Variants in CNKSR2 observed in about 807,000 individuals in gnomAD.
CNKSR2 encodes CNK homolog protein 2.
Under a neutral mutation model 84.4 loss-of-function variants are expected in CNKSR2, and 14 were observed. The observed-to-expected ratio is 0.17, with a 90% CI of 0.11 to 0.26. CNKSR2 has a LOEUF of 0.26. CNKSR2 is among the 10% of genes least tolerant of loss of function. The pLI is 1.00. For missense variants in CNKSR2, 485 were observed against 771.2 expected (o/e 0.63, Z 4.40); for synonymous variants, 275 against 277.9 (o/e 0.99, Z 0.10).
At chrX:21,568,697 ATTACT>A (rs1389019217) in intron 13 of CNKSR2, among the ~76,000 whole-genome samples, 1 of 111,071 alleles carries the variant, frequency 9.0e-6, no homozygotes, top group Non-Finnish European at 1.9e-5. Flanking sequence ...TGCTATTCTG[ATTACT>A]TTACAAATAC....
intron 1 of CNKSR2, among the ~76,000 whole-genome samples, chrX:21,392,162 G>GT (rs112716261): frequency 0.073 from 8,096 of 111,532 alleles, 740 homozygotes; most frequent in African/African-American, 0.25. Flanking sequence ...TCTCTAAGAA[G>GT]TCCAAACTTT....
At chrX:21,533,862 GA>G (rs2091905763) in intron 11 of CNKSR2, among the ~76,000 whole-genome samples, 2 of 110,814 alleles carry the variant, frequency 1.8e-5, no homozygotes, top group Non-Finnish European at 1.9e-5. Context: ...TACATATATA[GA>G]ATGGGTAATG....
At chrX:21,453,145 CCAA>C (rs1183374943) in intron 4 of CNKSR2, among the ~76,000 whole-genome samples, 4 of 111,093 alleles carry the variant, frequency 3.6e-5, no homozygotes, top group East Asian at 5.6e-4. Context: ...CAGACATGGA[CCAA>C]CACTTCAAAT....
At chrX:21,597,078 A>G (rs932909478) in intron 17 of CNKSR2, among the ~76,000 whole-genome samples, 37 of 112,008 alleles carry the variant, frequency 3.3e-4, no homozygotes, top group African/African-American at 1.1e-3. Context: ...GTATCTTACA[A>G]GATGGATGCA....
intron 8 of CNKSR2, chrX:21,506,935 T>G (rs916401708): frequency 1.8e-5 from 2 of 110,200 alleles, no homozygotes; most frequent in African/African-American, 6.6e-5. Context: ...ATTAACTTAT[T>G]AAGTGTATGG....
intron 4 of CNKSR2, among the ~76,000 whole-genome samples, chrX:21,464,900 A>G (rs1183035111): frequency 1.8e-5 from 2 of 112,265 alleles, no homozygotes; most frequent in African/African-American, 6.5e-5. Context: ...ATTTTCTTCA[A>G]CCTAACATTG....
At chrX:21,507,776 A>G (rs1332351906) in intron 8 of CNKSR2, among the ~76,000 whole-genome samples, 5 of 111,824 alleles carry the variant, frequency 4.5e-5, no homozygotes, top group African/African-American at 1.6e-4. Flanking sequence ...AAGTTCCTGA[A>G]TTAAATTTAA....
chrX:21,524,896 T>C (rs2091819851), intron 9 of CNKSR2, among the ~76,000 whole-genome samples: 1 of 111,490 alleles, frequency 9.0e-6, no homozygotes, highest in South Asian at 3.7e-4. Context: ...AGAAAGCTAT[T>C]AGAGCATTTA....
intron 4 of CNKSR2, chrX:21,468,630 A>T (rs1397617900): frequency 9.0e-6 from 1 of 111,517 alleles, no homozygotes; most frequent in African/African-American, 3.3e-5. Flanking sequence ...AGGCTTGGAA[A>T]TGTGGTTTTA....
intron 4 of CNKSR2, among the ~76,000 whole-genome samples, chrX:21,466,216 A>G (rs774310999): frequency 1.8e-5 from 2 of 111,829 alleles, no homozygotes; most frequent in East Asian, 5.6e-4. Flanking sequence ...TCTAACCTAA[A>G]AATAACTGGA....
chrX:21,636,070 A>C (rs763569014), intron 20 of CNKSR2, among the ~76,000 whole-genome samples: 1 of 111,431 alleles, frequency 9.0e-6, no homozygotes, highest in South Asian at 3.8e-4. Flanking sequence ...ATTAAAGGAA[A>C]TAGGCAAGAA....
chrX:21,447,610 T>C (rs2090872034), intron 4 of CNKSR2, among the ~76,000 whole-genome samples: 2 of 111,366 alleles, frequency 1.8e-5, no homozygotes, highest in Non-Finnish European at 3.8e-5. Flanking sequence ...GTCCCTGATA[T>C]GCTACCATTT....
In CNKSR2 at chrX:21,426,564, G is replaced by A. The variant is rs752790380; in HGVS notation, c.132G>A (p.Leu44=). 1 of 1,208,944 alleles carries A rather than the reference G, an allele frequency of 8.3e-7. No homozygotes were observed. The highest frequency in any genetic ancestry group is 1.7e-5 in the African/African-American group (1 of 57,600). Reference sequence around the variant, plus strand: ...GGGAGAAGATCAGTGGGGACCAGCTGCTGCGCATTACACATCAGGAGCTAG... The same window carrying A: ...GGGAGAAGATCAGTGGGGACCAGCTACTGCGCATTACACATCAGGAGCTAG... ...FEREKISGDQ[L]LRITHQELED... The change falls in exon 2 of 22, where the codon CTG becomes CTA. Residue 44 remains leucine, a synonymous_variant. Transcript: ENST00000379510.
intron 1 of CNKSR2, among the ~76,000 whole-genome samples, chrX:21,410,898 TTGTGTGTGTGTGTG>T (rs907489297): frequency 1.9e-5 from 2 of 102,664 alleles, no homozygotes; most frequent in Non-Finnish European, 4.0e-5. Context: ...GTGTGTGTGT[TTGTGTGTGTGTGTG>T]TGTGGATTTG....
At chrX:21,479,052 C>A (rs2091288618) in intron 5 of CNKSR2, among the ~76,000 whole-genome samples, 1 of 111,354 alleles carries the variant, frequency 9.0e-6, no homozygotes, top group Non-Finnish European at 1.9e-5. Flanking sequence ...TACCCCTTAC[C>A]CCCTCCTACC....
intron 1 of CNKSR2, among the ~76,000 whole-genome samples, chrX:21,383,855 A>T (rs2089933000): frequency 9.0e-6 from 1 of 111,501 alleles, no homozygotes; most frequent in African/African-American, 3.3e-5. Context: ...AAAAGAATCT[A>T]TTTTCTAGTA....
At chrX:21,438,282 T>C (rs897679801) in intron 3 of CNKSR2, among the ~76,000 whole-genome samples, 1 of 112,111 alleles carries the variant, frequency 8.9e-6, no homozygotes, top group Non-Finnish European at 1.9e-5. Flanking sequence ...AAGTATTTGT[T>C]CCATATCTAA....
intron 8 of CNKSR2, among the ~76,000 whole-genome samples, chrX:21,507,235 A>G (rs1439033904): frequency 9.0e-6 from 1 of 111,233 alleles, no homozygotes; most frequent in Non-Finnish European, 1.9e-5. Flanking sequence ...CATCCACTAA[A>G]TTAATATTCT....
chrX:21,443,204 A>G (rs922785098), intron 4 of CNKSR2, among the ~76,000 whole-genome samples: 1 of 111,763 alleles, frequency 8.9e-6, no homozygotes, highest in Non-Finnish European at 1.9e-5. Flanking sequence ...GTGAAAAACA[A>G]AGATGAAAAT....
Sources: gnomAD v4.1 joint callset for allele counts (sites outside exome capture counted in the v4.1 genomes callset) on GRCh38, gnomAD v4.1.1 for gene constraint, MANE v1.5 for transcripts, NCBI Gene and HGNC (gene_info 2026-07-23, HGNC 2026-07-21) for gene names.